Variants in RBFOX1 observed in about 807,000 individuals in gnomAD.
RBFOX1 encodes the protein RNA binding protein fox-1 homolog 1.
A neutral mutation model predicts 57.7 loss-of-function variants in RBFOX1; 8 were observed. That is an observed-to-expected ratio of 0.14 (90% confidence interval 0.08 to 0.25). The LOEUF is 0.25. RBFOX1 is among the 10% of genes least tolerant of loss of function. The pLI, the probability that RBFOX1 is intolerant of heterozygous loss-of-function variation, is 1.00. For synonymous variants in RBFOX1, 326 were observed against 222.4 expected, an observed-to-expected ratio of 1.47 and a Z score of -4.15; for missense variants, 611 against 548.5, an observed-to-expected ratio of 1.11 and a Z score of -1.14.
At chr16:7,541,193 C>G (rs12596133) in intron 5 of RBFOX1, among the ~76,000 whole-genome samples, 19,251 of 152,208 alleles carry the variant, frequency 0.13, 1,295 homozygotes, top group African/African-American at 0.18. Flanking sequence ...TAAGGACAAG[C>G]ACAAAGAACT....
Position 6,860,150 on chromosome 16 carries a change from T to C in RBFOX1, c.-15-191907T>C, listed in dbSNP as rs115467267. Among the ~76,000 whole-genome samples the C allele has an allele frequency of 3.1e-3, 469 of 152,334 alleles. 4 individuals carry two copies. Among genetic ancestry groups the C allele is most frequent in the Middle Eastern group, 0.017 (5 of 294 alleles). On this transcript the variant is annotated intron_variant, in intron 3 of 15. Coordinates refer to ENST00000550418, the MANE Select transcript of RBFOX1 (RefSeq NM_018723.4). ...AGCTGTTCACTGCTTTCCTGGCATA[T>C]GTTTTTCTTGCTTCATTTTCTGAGT...
At chr16:5,771,775 A>G (rs541037434) in intron 3 of RBFOX1, among the ~76,000 whole-genome samples, 1 of 152,270 alleles carries the variant, frequency 6.6e-6, no homozygotes, top group Non-Finnish European at 1.5e-5. Context: ...CTTGCTCTGT[A>G]TGTTGTAGGT....
At chr16:6,168,573 C>T (rs559501007) in intron 1 of RBFOX1, among the ~76,000 whole-genome samples, 8 of 152,118 alleles carry the variant, frequency 5.3e-5, no homozygotes, top group Non-Finnish European at 1.0e-4. Flanking sequence ...TCAGAGGACC[C>T]GTCAGATAAC....
intron 2 of RBFOX1, among the ~76,000 whole-genome samples, chr16:5,575,553 A>T (rs922995587): frequency 1.3e-5 from 2 of 152,068 alleles, no homozygotes; most frequent in African/African-American, 4.8e-5. Context: ...CCTGGCATCT[A>T]CTCCTACCTG....
At chr16:6,613,590 A>C (rs940800147) in intron 2 of RBFOX1, among the ~76,000 whole-genome samples, 9 of 152,212 alleles carry the variant, frequency 5.9e-5, no homozygotes, top group Admixed American at 2.0e-4. Flanking sequence ...AATGAGGTTG[A>C]AATCTAATTC....
chr16:6,385,523 A>G (rs552349742), intron 2 of RBFOX1, among the ~76,000 whole-genome samples: 1 of 151,924 alleles, frequency 6.6e-6, no homozygotes, highest in South Asian at 2.1e-4. Context: ...CCACACCCGG[A>G]TAATTTTTGT....
intron 3 of RBFOX1, among the ~76,000 whole-genome samples, chr16:5,738,171 A>G (rs1008084174): frequency 6.6e-6 from 1 of 152,066 alleles, no homozygotes; most frequent in African/African-American, 2.4e-5. Flanking sequence ...AAATGTTTTC[A>G]TACATTATAT....
Position 6,927,246 on chromosome 16 carries a change from C to G in RBFOX1, c.-15-124811C>G, listed in dbSNP as rs570350430. Reference sequence around the variant, plus strand: ...CTGCTGAAGCTGCCAGTTCCCATCTCTACTAAAAATAGAGAAATTTGCCAG... The same window carrying G: ...CTGCTGAAGCTGCCAGTTCCCATCTGTACTAAAAATAGAGAAATTTGCCAG... On this transcript the variant is annotated intron_variant, in intron 3 of 15. Coordinates refer to ENST00000550418, the MANE Select transcript of RBFOX1 (RefSeq NM_018723.4). 5.4e-4 allele frequency among the ~76,000 whole-genome samples: 82 copies of G among 151,488 alleles called. 1 individual carries two copies. The South Asian group carries it at 5.4e-3, about 10-fold the overall frequency.
chr16:7,491,692 A>G (rs1418932797), intron 4 of RBFOX1, among the ~76,000 whole-genome samples: 1 of 152,106 alleles, frequency 6.6e-6, no homozygotes, highest in African/African-American at 2.4e-5. Context: ...GTGCAAGTAC[A>G]TGATTGTGGC....
chr16:6,551,022 A>G (rs1310592454), intron 2 of RBFOX1, among the ~76,000 whole-genome samples: 1 of 152,148 alleles, frequency 6.6e-6, no homozygotes, highest in African/African-American at 2.4e-5. Flanking sequence ...CTGACTGCAG[A>G]GGAGGAGATG....
In RBFOX1 at chr16:7,432,339, C is replaced by T. The variant is rs1383344911; in HGVS notation, c.28-85808C>T. 2.0e-5 allele frequency among the ~76,000 whole-genome samples: 3 copies of T among 152,310 alleles called. No individual in the cohort carries two copies. In the East Asian group the frequency reaches 5.8e-4, roughly 29 times the overall value. On this transcript the variant is annotated intron_variant, in intron 4 of 15. Transcript: ENST00000550418. ...AATAACTCCCAGAGAGAAGGGTAAT[C>T]TGCTACCCCACTCATCTTTACTCTT...
At chr16:5,723,918 G>T (rs775267747) in intron 3 of RBFOX1, among the ~76,000 whole-genome samples, 15 of 152,220 alleles carry the variant, frequency 9.9e-5, no homozygotes, top group Non-Finnish European at 2.1e-4. Context: ...AAGTCAAGAA[G>T]ATGTTTCACA....
At chr16:7,181,751 C>T (rs890154674) in intron 4 of RBFOX1, among the ~76,000 whole-genome samples, 3 of 151,920 alleles carry the variant, frequency 2.0e-5, no homozygotes, top group Non-Finnish European at 4.4e-5. Context: ...GGTAGAGACA[C>T]AGTCTTGCCA....
At chr16:7,246,518 T>C (rs891624467) in intron 4 of RBFOX1, among the ~76,000 whole-genome samples, 1 of 152,158 alleles carries the variant, frequency 6.6e-6, no homozygotes, top group Non-Finnish European at 1.5e-5. Context: ...CTCTCCCTTA[T>C]AACTGTACCA....
chr16:6,434,250 G>A (rs1173127939), intron 2 of RBFOX1, among the ~76,000 whole-genome samples: 1 of 152,124 alleles, frequency 6.6e-6, no homozygotes, highest in Non-Finnish European at 1.5e-5. Context: ...AAGTCCATTT[G>A]GCTATGTAAG....
chr16:7,270,367 T>C (rs2095288169), intron 4 of RBFOX1, among the ~76,000 whole-genome samples: 1 of 152,204 alleles, frequency 6.6e-6, no homozygotes, highest in African/African-American at 2.4e-5. Flanking sequence ...TTCTCCTTTG[T>C]GGATGGAAAT....
intron 2 of RBFOX1, among the ~76,000 whole-genome samples, chr16:6,595,426 TA>T (rs1230135083): frequency 6.6e-6 from 1 of 152,232 alleles, no homozygotes; most frequent in African/African-American, 2.4e-5. Context: ...TTACGTTATA[TA>T]AATATACGAC....
chr16:5,713,865 T>G (rs1056146261), intron 3 of RBFOX1, among the ~76,000 whole-genome samples: 1 of 152,180 alleles, frequency 6.6e-6, no homozygotes, highest in Non-Finnish European at 1.5e-5. Flanking sequence ...TGCAGTGACC[T>G]TCTTGTTGGA....
In RBFOX1 at chr16:7,532,541, C is replaced by T. The variant is rs545426035; in HGVS notation, c.270+14152C>T. On this transcript the variant is annotated intron_variant, in intron 5 of 15. Coordinates refer to ENST00000550418, the MANE Select transcript of RBFOX1 (RefSeq NM_018723.4). ...GCACCCTGGAATACAGGGCGTTGGCCATCTTTCTCCTTGCCTAGTCTAGCT... is the reference window on the plus strand; with the variant it reads ...GCACCCTGGAATACAGGGCGTTGGCTATCTTTCTCCTTGCCTAGTCTAGCT... 3.3e-5 allele frequency among the ~76,000 whole-genome samples: 5 copies of T among 152,298 alleles called. No individual in the cohort carries two copies. In the South Asian group the frequency reaches 1.0e-3, roughly 32 times the overall value.
Sources: gnomAD v4.1 joint callset for allele counts (sites outside exome capture counted in the v4.1 genomes callset) on GRCh38, gnomAD v4.1.1 for gene constraint, MANE v1.5 for transcripts, NCBI Gene and HGNC (gene_info 2026-07-23, HGNC 2026-07-21) for gene names.